HEATR4: variants seen among roughly 807,000 people sequenced by gnomAD.
HEATR4 encodes the protein HEAT repeat containing 4.
In HEATR4, 95 loss-of-function variants were observed where a neutral mutation model predicts 108.8. The ratio of observed to expected loss-of-function variants is 0.87; its 90% CI spans 0.74 to 1.04. The LOEUF (loss-of-function observed/expected upper bound fraction) is 1.04. Ranked by LOEUF, HEATR4 falls within the 50% of genes least tolerant of loss-of-function variation. The probability of loss-of-function intolerance (pLI) is 0.00; values close to 1 mark genes in which losing one functional copy is unlikely to be tolerated. For synonymous variants in HEATR4, 443 were observed against 459.4 expected (o/e 0.96, Z 0.46); for missense variants, 1,152 against 1,253.8 (o/e 0.92, Z 1.23).
chr14:73,583,017 T>C, the HEATR4 span: 1 of 152,148 alleles, frequency 6.6e-6, no homozygotes, highest in Non-Finnish European at 1.5e-5. Context: ...TTCCAGCTTC[T>C]CTGAAGGACC....
chr14:73,492,226 C>T lies in HEATR4; in HGVS notation c.2844+840G>A. On this transcript the variant is annotated intron_variant, in intron 17 of 17. Coordinates refer to ENST00000553558, the MANE Select transcript of HEATR4 (RefSeq NM_001220484.1). The surrounding 1 kb of genome is among the most constrained non-coding windows in gnomAD (Gnocchi z 4.9). ...ATTTGCTGTATTTTCCTCGGGGCTT[C>T]ATTCACCAAGCTGAATGCCAGGATG... 8 of 1,614,066 alleles carry T rather than the reference C, an allele frequency of 5.0e-6. No homozygotes were observed. Among genetic ancestry groups the T allele is most frequent in the Non-Finnish European group, 5.9e-6 (7 of 1,179,900 alleles).
At chr14:73,546,808 T>C (rs1889239399) in intron 1 of HEATR4, among the ~76,000 whole-genome samples, 1 of 110,794 alleles carries the variant, frequency 9.0e-6, no homozygotes, top group African/African-American at 2.8e-5. Context: ...AAACAGAGGT[T>C]GGGTGCAGTG....
At chr14:73,581,785 CAA>C in the HEATR4 span, 1 of 95,074 alleles carries the variant, frequency 1.1e-5, no homozygotes, top group Non-Finnish European at 2.0e-5. Flanking sequence ...GATTAAATAC[CAA>C]GAGAGAGTGC....
intron 17 of HEATR4, chr14:73,490,859 G>A: frequency 1.4e-6 from 1 of 707,270 alleles, no homozygotes; most frequent in South Asian, 5.6e-5. Context: ...TAATGAAAGA[G>A]AGCGGGAGGG....
chr14:73,599,248 C>T, the HEATR4 span, among the ~76,000 whole-genome samples: 3,156 of 152,130 alleles, frequency 0.021, 115 homozygotes, highest in African/African-American at 0.072. Flanking sequence ...CAGTGATGTC[C>T]CTCTCAAGCC....
rs774078943 is a variant in HEATR4, at chr14:73,514,252, G to A, written c.1211-18C>T. 2.5e-6 allele frequency: 4 copies of A among 1,609,774 alleles called. No homozygotes were observed. The highest frequency in any genetic ancestry group is 3.4e-6 in the Non-Finnish European group (4 of 1,177,128). On this transcript the variant is annotated intron_variant, in intron 5 of 17. Coordinates refer to ENST00000553558, the MANE Select transcript of HEATR4 (RefSeq NM_001220484.1). ...TCTGTAAGCTGTGCAACGTGGCAGT[G>A]TGAGGTCTTTTCACCCCACTGCCTT...
chr14:73,597,090 ATTTATTTT>A, the HEATR4 span, among the ~76,000 whole-genome samples: 5 of 145,708 alleles, frequency 3.4e-5, no homozygotes, highest in African/African-American at 1.3e-4. Flanking sequence ...TTATTTATTT[ATTTATTTT>A]TTTGAGATAG....
the HEATR4 span, among the ~76,000 whole-genome samples, chr14:73,625,011 T>C: frequency 6.6e-6 from 1 of 152,224 alleles, no homozygotes; most frequent in East Asian, 1.9e-4. Context: ...TGTCTCTGTG[T>C]CACATCTGGT....
At chr14:73,496,412 G>T (rs1365341696) in intron 15 of HEATR4, among the ~76,000 whole-genome samples, 189 bp downstream of exon 15, 1 of 152,188 alleles carries the variant, frequency 6.6e-6, no homozygotes, top group Admixed American at 6.6e-5. Flanking sequence ...GTCTTTACTA[G>T]TAGGACCTTG....
At chr14:73,619,230 A>G in the HEATR4 span, 3 of 1,544,390 alleles carry the variant, frequency 1.9e-6, no homozygotes, top group Non-Finnish European at 2.6e-6. Flanking sequence ...TTTTTCCTCA[A>G]CAGGTGAAAG....
chr14:73,623,689 G>T, the HEATR4 span, among the ~76,000 whole-genome samples: 1 of 152,016 alleles, frequency 6.6e-6, no homozygotes, highest in Non-Finnish European at 1.5e-5. Flanking sequence ...AAAATAAAGA[G>T]AAATTTGCAT....
At chr14:73,484,825 CACACACAG>C (rs1447828784) in intron 17 of HEATR4, among the ~76,000 whole-genome samples, 1 of 148,398 alleles carries the variant, frequency 6.7e-6, no homozygotes, top group Non-Finnish European at 1.5e-5. Flanking sequence ...CACACACACA[CACACACAG>C]ACACACACAC....
At chr14:73,584,045 C>A in the HEATR4 span, among the ~76,000 whole-genome samples, 1 of 151,762 alleles carries the variant, frequency 6.6e-6, no homozygotes, top group African/African-American at 2.4e-5. Context: ...CTTTCCAGGA[C>A]ACTCCACTGG....
At chr14:73,632,768 C>T in the HEATR4 span, among the ~76,000 whole-genome samples, 2 of 145,958 alleles carry the variant, frequency 1.4e-5, no homozygotes, top group Non-Finnish European at 3.0e-5. Context: ...CACTTGAACC[C>T]GGGAAGTGGA....
At chr14:73,590,119 T>G in the HEATR4 span, among the ~76,000 whole-genome samples, 16 of 152,292 alleles carry the variant, frequency 1.1e-4, no homozygotes, top group South Asian at 8.3e-4. Context: ...CACTGCTAGC[T>G]CTGGCAGCCT....
chr14:73,564,728 G>GTTTTT, the HEATR4 span, among the ~76,000 whole-genome samples: 13 of 37,168 alleles, frequency 3.5e-4, no homozygotes, highest in South Asian at 2.2e-3. Flanking sequence ...TCTGTTTTTT[G>GTTTTT]TTTTTTTTTT....
Position 73,506,804 on chromosome 14 carries a change from G to GTTTTTTTTTTTTTTT in HEATR4, c.1882-248_1882-234dup, listed in dbSNP as rs34660727. On this transcript the variant is annotated intron_variant, in intron 9 of 17. Coordinates refer to ENST00000553558, the MANE Select transcript of HEATR4 (RefSeq NM_001220484.1). The stretch of plus-strand genomic sequence containing the variant: ...GGACCTTCCTTTCCTGACTTTAACT[G>GTTTTTTTTTTTTTTT]TTTTTTTTTTTTTTTTTTTTTCTGA... 3.7e-4 allele frequency among the ~76,000 whole-genome samples: 30 copies of GTTTTTTTTTTTTTTT among 80,488 alleles called. 4 individuals carry two copies. Among genetic ancestry groups the GTTTTTTTTTTTTTTT allele is most frequent in the East Asian group, 1.7e-3 (3 of 1,738 alleles). 52.8% of individuals were successfully genotyped at this position (80,488 alleles called of 152,430 possible).
the HEATR4 span, among the ~76,000 whole-genome samples, chr14:73,566,479 G>A: frequency 0.081 from 12,370 of 152,142 alleles, 669 homozygotes; most frequent in African/African-American, 0.17. Flanking sequence ...GCCCTTTCCC[G>A]TGGGAAGGCA....
chr14:73,479,905 C>T (rs996257542), intron 17 of HEATR4, among the ~76,000 whole-genome samples: 6 of 152,094 alleles, frequency 3.9e-5, no homozygotes, highest in African/African-American at 7.2e-5. Flanking sequence ...AAAAGCCTAA[C>T]ACCAGGGTAG....
Sources: allele counts gnomAD v4.1 joint callset (sites outside exome capture counted in the v4.1 genomes callset), GRCh38; gene constraint gnomAD v4.1.1; non-coding constraint Gnocchi (gnomAD v3.1); transcripts MANE v1.5; gene names NCBI Gene and HGNC (gene_info 2026-07-23, HGNC 2026-07-21).